Variants in ME1 observed in about 807,000 individuals in gnomAD.
The protein encoded by ME1 is malic enzyme 1, also known as NADP-dependent malic enzyme.
In ME1, 74 loss-of-function variants were observed where a neutral mutation model predicts 66.4. That is an observed-to-expected ratio of 1.11 (90% confidence interval 0.92 to 1.35). The LOEUF (loss-of-function observed/expected upper bound fraction) is 1.35. Ranked by LOEUF, ME1 falls within the 40% of genes most tolerant of loss-of-function variation. The pLI is 0.00. For missense variants in ME1, 750 were observed against 694.1 expected (o/e 1.08, Z -0.90); for synonymous variants, 251 against 235.6 (o/e 1.07, Z -0.60).
chr6:83,298,337 G>A (rs1352038171), intron 6 of ME1, among the ~76,000 whole-genome samples: 1 of 151,884 alleles, frequency 6.6e-6, no homozygotes, highest in Non-Finnish European at 1.5e-5. Flanking sequence ...TTTTTCATAT[G>A]TTTGTTGGCC....
At chr6:83,365,989 AACTCTTCTCTTTTTT>A (rs928347949) in intron 3 of ME1, among the ~76,000 whole-genome samples, 1 of 152,002 alleles carries the variant, frequency 6.6e-6, no homozygotes, top group African/African-American at 2.4e-5. Context: ...TCCAATGTTC[AACTCTTCTCTTTTTT>A]ACTCTAATGA....
chr6:83,405,912 G>A (rs1183269448), intron 2 of ME1, among the ~76,000 whole-genome samples: 2 of 151,730 alleles, frequency 1.3e-5, no homozygotes, highest in African/African-American at 2.4e-5. Context: ...TAGTAGAGAC[G>A]GGGTTTCACC....
chr6:83,342,351 C>T (rs903301309), intron 5 of ME1, among the ~76,000 whole-genome samples: 2 of 152,148 alleles, frequency 1.3e-5, no homozygotes, highest in Non-Finnish European at 1.5e-5. Context: ...TCACCAGTAA[C>T]AAGAGTATAT....
At chr6:83,247,370 A>C (rs2128527217) in intron 7 of ME1, among the ~76,000 whole-genome samples, 1 of 152,234 alleles carries the variant, frequency 6.6e-6, no homozygotes, top group East Asian at 1.9e-4. Flanking sequence ...TTCCAGTTTA[A>C]AATAATTTAT....
chr6:83,362,129 A>G (rs1056712473), intron 3 of ME1, among the ~76,000 whole-genome samples: 1 of 152,228 alleles, frequency 6.6e-6, no homozygotes, highest in Non-Finnish European at 1.5e-5. Flanking sequence ...AAATCTTCCC[A>G]GTGGGCAGAA....
rs1270606382 is a variant in ME1 at position 83,211,215 on chromosome 6, G to A, written c.*709C>T. The A allele has an allele frequency of 6.6e-6, 1 of 152,436 alleles. No homozygotes were observed. Among genetic ancestry groups the A allele is most frequent in the Non-Finnish European group, 1.5e-5 (1 of 68,076 alleles). 9.4% of individuals were successfully genotyped at this position (152,436 alleles called of 1,614,324 possible). ...TCCCTGTAGCAACAGTATGGTAGCTGAAGGATGGGATGTTTGATCAAGGGG... is the reference window on the plus strand; with the variant it reads ...TCCCTGTAGCAACAGTATGGTAGCTAAAGGATGGGATGTTTGATCAAGGGG... On this transcript the variant is annotated 3_prime_UTR_variant, in exon 14 of 14. Transcript: ENST00000369705.
chr6:83,242,260 T>C (rs1207034583), intron 7 of ME1, among the ~76,000 whole-genome samples: 1 of 152,176 alleles, frequency 6.6e-6, no homozygotes, highest in Non-Finnish European at 1.5e-5. Context: ...GACTTTAACA[T>C]AAACATAAAC....
At chr6:83,275,350 A>AAAT (rs142521561) in intron 6 of ME1, among the ~76,000 whole-genome samples, 1,783 of 150,110 alleles carry the variant, frequency 0.012, 16 homozygotes, top group Non-Finnish European at 0.016. Context: ...AGAAACAAAC[A>AAAT]AATAATAATA....
At chr6:83,369,513 A>T (rs984819647) in intron 3 of ME1, among the ~76,000 whole-genome samples, 2 of 152,038 alleles carry the variant, frequency 1.3e-5, no homozygotes, top group Non-Finnish European at 2.9e-5. Flanking sequence ...TTTTCAAATG[A>T]CTGGTAGAAA....
intron 6 of ME1, among the ~76,000 whole-genome samples, chr6:83,261,019 T>G (rs1766877549): frequency 6.6e-6 from 1 of 152,206 alleles, no homozygotes; most frequent in African/African-American, 2.4e-5. Flanking sequence ...TGCTTTTATT[T>G]CTTTGAGGAA....
chr6:83,393,660 T>C (rs1769675550), intron 3 of ME1, among the ~76,000 whole-genome samples: 1 of 151,900 alleles, frequency 6.6e-6, no homozygotes. Flanking sequence ...TCAACTCAAA[T>C]ACTTCGTTTG....
At chr6:83,328,722 T>C (rs1768348509) in intron 5 of ME1, among the ~76,000 whole-genome samples, 2 of 152,138 alleles carry the variant, frequency 1.3e-5, no homozygotes, top group South Asian at 4.1e-4. Context: ...AAACACTCAA[T>C]AGATCACTGT....
intron 3 of ME1, among the ~76,000 whole-genome samples, chr6:83,354,941 C>T (rs1473072615): frequency 6.6e-6 from 1 of 151,926 alleles, no homozygotes; most frequent in African/African-American, 2.4e-5. Flanking sequence ...ATTAAGTAAC[C>T]CAAAATTACG....
Position 83,374,576 on chromosome 6 carries a change from G to A in ME1, c.363-22437C>T, listed in dbSNP as rs149775042. ...GTTCATTCTGATGACAGTTTCTTTT[G>A]CTGTGCAGAAGCTCTTTAGTTTAAG... On this transcript the variant is annotated intron_variant, in intron 3 of 13. Transcript: ENST00000369705. Among the ~76,000 whole-genome samples, 217 of 152,160 alleles carry A rather than the reference G, an allele frequency of 1.4e-3. 5 individuals carry two copies. The East Asian group carries it at 0.039, about 27-fold the overall frequency.
intron 6 of ME1, among the ~76,000 whole-genome samples, chr6:83,312,051 G>A (rs1767940807): frequency 1.3e-5 from 2 of 152,168 alleles, no homozygotes; most frequent in Non-Finnish European, 1.5e-5. Flanking sequence ...ATAAACTGAA[G>A]AAGAGGCCTA....
chr6:83,284,833 C>G lies in ME1; in HGVS notation c.704+30477G>C, dbSNP rs532589080. Among the ~76,000 whole-genome samples, 71 of 152,222 alleles carry G rather than the reference C, an allele frequency of 4.7e-4. 1 individual carries two copies. Among genetic ancestry groups the G allele is most frequent in the Non-Finnish European group, 1.2e-4 (8 of 67,994 alleles). Reference sequence around the variant, plus strand: ...CTCCCCACTCCTATCCAACATAGTACTGCAAGTCCTAGCCAGATCAACCAG... The same window carrying G: ...CTCCCCACTCCTATCCAACATAGTAGTGCAAGTCCTAGCCAGATCAACCAG... On this transcript the variant is annotated intron_variant, in intron 6 of 13. Coordinates refer to ENST00000369705, the MANE Select transcript of ME1 (RefSeq NM_002395.6).
chr6:83,421,032 C>G (rs1346815013), intron 1 of ME1, among the ~76,000 whole-genome samples: 1 of 151,814 alleles, frequency 6.6e-6, no homozygotes, highest in African/African-American at 2.4e-5. Context: ...GGAGGGGGGG[C>G]CCAAAGCCAA....
intron 5 of ME1, among the ~76,000 whole-genome samples, chr6:83,332,429 C>T (rs956003691): frequency 6.6e-6 from 1 of 152,130 alleles, no homozygotes; most frequent in Non-Finnish European, 1.5e-5. Context: ...GAAAAGAAGC[C>T]ATTATATCAA....
Position 83,298,931 on chromosome 6 carries a change from GTTTTTTTTTTTTTTTTTTTTTTTTT to G in ME1, c.704+16354_704+16378del, listed in dbSNP as rs61055748. Among the ~76,000 whole-genome samples the G allele has an allele frequency of 4.9e-4, 11 of 22,496 alleles. 1 individual carries two copies. The South Asian group carries it at 0.019, about 40-fold the overall frequency. The allele number at this position is 22,496 out of a possible 152,430, so 14.8% of individuals were successfully genotyped here. ...TGCTGTTCCATTAGTCTATGTGTCT[GTTTTTTTTTTTTTTTTTTTTTTTTT>G]TTTTTTTTTTTTTTTACCAGTACTA... On this transcript the variant is annotated intron_variant, in intron 6 of 13. Transcript: ENST00000369705.
Sources: allele counts gnomAD v4.1 joint callset (sites outside exome capture counted in the v4.1 genomes callset), GRCh38; gene constraint gnomAD v4.1.1; transcripts MANE v1.5; gene names NCBI Gene and HGNC (gene_info 2026-07-23, HGNC 2026-07-21).